Variants in EFHC2 observed in about 807,000 individuals in gnomAD.
EFHC2 encodes EF-hand domain-containing family member C2.
A neutral mutation model predicts 52.7 loss-of-function variants in EFHC2; 18 were observed. The ratio of observed to expected loss-of-function variants is 0.34; its 90% CI spans 0.24 to 0.51. EFHC2 has a LOEUF of 0.51. EFHC2 is among the 20% of genes least tolerant of loss of function. EFHC2 has a pLI of 0.97. For missense variants in EFHC2, 513 were observed against 562.5 expected, an observed-to-expected ratio of 0.91 and a Z score of 0.89; for synonymous variants, 203 against 204.1, an observed-to-expected ratio of 0.99 and a Z score of 0.04.
Position 44,150,402 on chromosome X carries a change from T to C in EFHC2, c.2149-1506A>G, listed in dbSNP as rs942636437. ...TTTCAAGAAAGGGTGAGTAGCCCAG[T>C]GTGGTTTGCGGCACATGGTGCAAAG... On this transcript the variant is annotated intron_variant, in intron 14 of 14. Transcript: ENST00000420999. Among the ~76,000 whole-genome samples the C allele has an allele frequency of 2.0e-4, 22 of 111,084 alleles. No homozygotes were observed. In the Admixed American group the frequency reaches 2.1e-3, roughly 11 times the overall value.
At chrX:44,175,730 T>C (rs2036781089) in intron 13 of EFHC2, among the ~76,000 whole-genome samples, 1 of 111,569 alleles carries the variant, frequency 9.0e-6, no homozygotes, top group African/African-American at 3.3e-5. Context: ...GAGTGAGTGA[T>C]GCTATAGGAA....
intron 11 of EFHC2, among the ~76,000 whole-genome samples, chrX:44,191,717 A>G (rs1333757722): frequency 1.8e-5 from 2 of 111,874 alleles, no homozygotes; most frequent in Admixed American, 9.5e-5. Flanking sequence ...TATGTCATTC[A>G]CCTAAAGTCA....
At chrX:44,232,967 A>G (rs2037290818) in intron 9 of EFHC2, among the ~76,000 whole-genome samples, 1 of 111,754 alleles carries the variant, frequency 8.9e-6, no homozygotes. Context: ...CCAGCAGTAC[A>G]AGACCAGCCT....
intron 1 of EFHC2, among the ~76,000 whole-genome samples, chrX:44,322,935 C>T (rs916299519): frequency 9.1e-6 from 1 of 110,455 alleles, no homozygotes; most frequent in Non-Finnish European, 1.9e-5. Context: ...ATCACTTGAA[C>T]CTGGGAGGTG....
intron 13 of EFHC2, among the ~76,000 whole-genome samples, chrX:44,166,543 G>A (rs2036697960): frequency 9.0e-6 from 1 of 111,509 alleles, no homozygotes; most frequent in South Asian, 3.8e-4. Flanking sequence ...AGATATAAAT[G>A]TGGGAGTCAT....
chrX:44,152,461 T>C (rs999870874), intron 14 of EFHC2, among the ~76,000 whole-genome samples: 1 of 111,294 alleles, frequency 9.0e-6, no homozygotes, highest in Non-Finnish European at 1.9e-5. Context: ...CTACATTTGG[T>C]CCTCACACTT....
chrX:44,299,172 GC>G (rs1328337255), intron 2 of EFHC2, among the ~76,000 whole-genome samples: 1 of 110,759 alleles, frequency 9.0e-6, no homozygotes, highest in Non-Finnish European at 1.9e-5. Context: ...AAAATTCTAA[GC>G]CCCCCAGCCA....
intron 1 of EFHC2, among the ~76,000 whole-genome samples, chrX:44,321,549 A>G (rs1405121442): frequency 8.9e-6 from 1 of 111,854 alleles, no homozygotes; most frequent in Non-Finnish European, 1.9e-5. Flanking sequence ...GATCAGGGAG[A>G]TGGGGTAGAA....
At position 44,178,529 on chromosome X, in the gene EFHC2, G is replaced by T. The variant is rs761826097; in HGVS notation, c.1787C>A (p.Ala596Glu). 8.3e-7 allele frequency: 1 copy of T among 1,199,202 alleles called. No homozygotes were observed. Residue 596 changes from alanine to glutamate, a missense_variant, in exon 12 of 15, where the codon GCA becomes GAA. Physicochemically the swap from Ala to Glu is moderately radical, Grantham distance 107. Transcript: ENST00000420999. ...ILMSLTVGNL[A>E]EQEFVTIARH... Reference sequence around the variant, plus strand: ...TGCAATGGTTACAAATTCTTGCTCTGCAAGGTTTCCAACAGTCAAAGACAT... The same window carrying T: ...TGCAATGGTTACAAATTCTTGCTCTTCAAGGTTTCCAACAGTCAAAGACAT...
intron 1 of EFHC2, among the ~76,000 whole-genome samples, chrX:44,336,321 G>A (rs900056370): frequency 9.2e-6 from 1 of 108,765 alleles, no homozygotes; most frequent in African/African-American, 3.4e-5. Context: ...GGGAGGCAGA[G>A]GGTTGCAGTG....
At chrX:44,176,242 A>T in intron 13 of EFHC2, 50 bp downstream of exon 13, 3 of 1,014,790 alleles carry the variant, frequency 3.0e-6, no homozygotes, top group Non-Finnish European at 4.0e-6. Flanking sequence ...ATGGTCCCCC[A>T]AATAAAACTA....
chrX:44,256,119 A>G (rs778126661), intron 4 of EFHC2, among the ~76,000 whole-genome samples: 1 of 112,071 alleles, frequency 8.9e-6, no homozygotes, highest in East Asian at 2.8e-4. Flanking sequence ...GGACACAACT[A>G]AAGCAGTGTT....
chrX:44,157,737 C>A (rs925736348), intron 14 of EFHC2, among the ~76,000 whole-genome samples: 2 of 65,651 alleles, frequency 3.0e-5, no homozygotes, highest in African/African-American at 7.9e-5. Context: ...GAGTGCTCCA[C>A]CCCCCTCCCC....
At chrX:44,231,486 G>A (rs1326194689) in intron 10 of EFHC2, among the ~76,000 whole-genome samples, 1 of 108,847 alleles carries the variant, frequency 9.2e-6, no homozygotes, top group African/African-American at 3.4e-5. Context: ...TCCTTCCATA[G>A]GGGTTCAACC....
At chrX:44,266,018 G>A (rs903601530) in intron 3 of EFHC2, among the ~76,000 whole-genome samples, 3 of 111,737 alleles carry the variant, frequency 2.7e-5, no homozygotes, top group African/African-American at 9.8e-5. Context: ...ATGCTTTAAT[G>A]TCCTCTTGCA....
rs1295932946 is a variant in EFHC2 at position 44,163,969 on chromosome X, T to C, written c.2101A>G (p.Arg701Gly). 1.7e-6 allele frequency: 2 copies of C among 1,170,823 alleles called. No individual in the cohort carries two copies. Among genetic ancestry groups the C allele is most frequent in the Admixed American group, 4.9e-5 (2 of 41,195 alleles). Residue 701 changes from arginine to glycine, a missense_variant, in exon 14 of 15, where the codon AGA becomes GGA. Arg to Gly is a moderately radical substitution (Grantham distance 125). Transcript: ENST00000420999. ...YKSFFSALNW[R>G]KNPVPELQPA... ...TGCAATTCAGGCACTGGATTCTTTCTCCAGTTCAGGGCAGAGAAAAATGAC... is the reference window on the plus strand; with the variant it reads ...TGCAATTCAGGCACTGGATTCTTTCCCCAGTTCAGGGCAGAGAAAAATGAC...
At chrX:44,199,243 C>T (rs2036989078) in intron 11 of EFHC2, among the ~76,000 whole-genome samples, 1 of 112,850 alleles carries the variant, frequency 8.9e-6, no homozygotes, top group Admixed American at 9.3e-5. Flanking sequence ...CACCTCCTTA[C>T]TCTCTCTCTT....
intron 11 of EFHC2, among the ~76,000 whole-genome samples, chrX:44,198,713 G>A (rs1176639048): frequency 1.8e-5 from 2 of 111,109 alleles, no homozygotes; most frequent in South Asian, 3.8e-4. Flanking sequence ...GGGAGGAAGT[G>A]GGATCAAACC....
chrX:44,326,058 TA>T (rs2038049976), intron 1 of EFHC2, among the ~76,000 whole-genome samples: 1 of 108,178 alleles, frequency 9.2e-6, no homozygotes, highest in Non-Finnish European at 1.9e-5. Flanking sequence ...CACACCCTGC[TA>T]ATTTCTGTAT....
Sources: gnomAD v4.1 joint callset for allele counts (sites outside exome capture counted in the v4.1 genomes callset) on GRCh38, gnomAD v4.1.1 for gene constraint, MANE v1.5 for transcripts, NCBI Gene and HGNC (gene_info 2026-07-23, HGNC 2026-07-21) for gene names.